Variants in PVR observed in about 807,000 individuals in gnomAD.
The protein encoded by PVR is poliovirus receptor.
PVR carries 39 observed loss-of-function variants against 43.3 expected under a neutral mutation model. The observed-to-expected ratio is 0.90, with a 90% confidence interval of 0.70 to 1.18. The LOEUF (loss-of-function observed/expected upper bound fraction) is 1.18, where lower values mean the gene tolerates loss of function less well. PVR is among the 50% of genes most tolerant of loss of function. PVR has a pLI of 0.00. For synonymous variants in PVR, 224 were observed against 233.2 expected (o/e 0.96, Z 0.36); for missense variants, 480 against 549.7 (o/e 0.87, Z 1.27).
intron 7 of PVR, 113 bp from the exon 8 acceptor site, chr19:44,661,627 A>G: frequency 1.0e-6 from 1 of 964,502 alleles, no homozygotes; most frequent in Non-Finnish European, 1.6e-6. Context: ...CCTGGCTTCC[A>G]GGGAGAGAGG....
chr19:44,647,083 T>TCCCCCCC, intron 1 of PVR, 140 bp from the exon 2 acceptor site: 3 of 30,332 alleles, frequency 9.9e-5, no homozygotes, highest in South Asian at 6.0e-4. Context: ...CAGTTCCCCC[T>TCCCCCCC]CCCCCCACAC....
intron 7 of PVR, 95 bp from the exon 8 acceptor site, chr19:44,661,645 G>A (rs1009425063): frequency 9.9e-6 from 11 of 1,107,980 alleles, no homozygotes; most frequent in Middle Eastern, 2.0e-4. Context: ...AGGAGGGGAC[G>A]GGCCTGCAGT....
chr19:44,656,031 G>A (rs1045468986), intron 4 of PVR, among the ~76,000 whole-genome samples: 15 of 151,758 alleles, frequency 9.9e-5, no homozygotes, highest in Admixed American at 9.2e-4. Flanking sequence ...CACCACGCCT[G>A]GCTAACCTGG....
At chr19:44,648,772 C>T (rs1973199814) in intron 2 of PVR, among the ~76,000 whole-genome samples, 2 of 152,170 alleles carry the variant, frequency 1.3e-5, no homozygotes, top group South Asian at 2.1e-4. Context: ...GCCTAGCACA[C>T]AACACCCAAC....
Position 44,647,476 on chromosome 19 carries a change from C to T in PVR, c.333C>T (p.Phe111=), listed in dbSNP as rs756082532. 25 of 1,613,918 alleles carry T rather than the reference C, an allele frequency of 1.5e-5. No homozygotes were observed. The East Asian group carries it at 4.5e-4, about 29-fold the overall frequency. The change falls in exon 2 of 8, where the codon TTC becomes TTT. Residue 111 remains phenylalanine, a synonymous_variant. Coordinates refer to ENST00000425690, the MANE Select transcript of PVR (RefSeq NM_006505.5). ...TGCGGAATGCCTCGCTGAGGATGTT[C>T]GGGTTGCGCGTAGAGGATGAAGGCA... ...AELRNASLRM[F]GLRVEDEGNY...
chr19:44,652,141 G>T (rs1424720785), intron 3 of PVR, among the ~76,000 whole-genome samples: 3 of 152,168 alleles, frequency 2.0e-5, no homozygotes, highest in Non-Finnish European at 2.9e-5. Context: ...GGGCAGCAGA[G>T]CAAAACTCCA....
rs1274553669 is a variant in PVR at position 44,647,527 on chromosome 19, C to T, written c.384C>T (p.Phe128=). 6.2e-7 allele frequency: 1 copy of T among 1,613,936 alleles called. No homozygotes were observed. The highest frequency in any genetic ancestry group is 2.2e-5 in the East Asian group (1 of 44,860). The change falls in exon 2 of 8, where the codon TTC becomes TTT. Residue 128 remains phenylalanine (F), a synonymous_variant. Transcript: ENST00000425690. ...EGNYTCLFVT[F]PQGSRSVDIW... ...ACTACACCTGCCTGTTCGTCACGTT[C>T]CCGCAGGGCAGCAGGAGCGTGGATA...
chr19:44,648,879 A>G (rs968643012), intron 2 of PVR, among the ~76,000 whole-genome samples: 3 of 152,176 alleles, frequency 2.0e-5, no homozygotes, highest in African/African-American at 7.2e-5. Context: ...TTAAGGAGAA[A>G]TCTTCGGTAA....
chr19:44,664,915 G>C lies in PVR; in HGVS notation c.*3104G>C, dbSNP rs1973673461. 2 of 152,056 alleles carry C rather than the reference G, an allele frequency of 1.3e-5. No homozygotes were observed. Among genetic ancestry groups the C allele is most frequent in the Admixed American group, 6.6e-5 (1 of 15,234 alleles). The allele number at this position is 152,056 out of a possible 1,614,324, so 9.4% of individuals were successfully genotyped here. On this transcript the variant is annotated 3_prime_UTR_variant, in exon 8 of 8. Transcript: ENST00000425690. ...AGGACACACTCCTGGAGGTGGAATT[G>C]CTGGGCCAAAGAGTATGTTTCTTGT...
chr19:44,651,314 C>T (rs1973274452), intron 3 of PVR, among the ~76,000 whole-genome samples: 1 of 152,128 alleles, frequency 6.6e-6, no homozygotes, highest in Non-Finnish European at 1.5e-5. Flanking sequence ...ACACTGGCTC[C>T]TATGACCACT....
intron 3 of PVR, among the ~76,000 whole-genome samples, chr19:44,652,590 G>T (rs1263286415): frequency 3.9e-5 from 6 of 151,910 alleles, no homozygotes; most frequent in African/African-American, 1.5e-4. Flanking sequence ...CACCATGTTG[G>T]CCAGGCTGGT....
chr19:44,646,367 A>G (rs1973113951), intron 1 of PVR, among the ~76,000 whole-genome samples: 1 of 151,958 alleles, frequency 6.6e-6, no homozygotes, highest in African/African-American at 2.4e-5. Flanking sequence ...AAGACCCAAG[A>G]TTTCTCCCCG....
chr19:44,650,974 A>G (rs1024893427), intron 3 of PVR, among the ~76,000 whole-genome samples: 2 of 151,692 alleles, frequency 1.3e-5, no homozygotes, highest in African/African-American at 4.8e-5. Flanking sequence ...GGCTCAAGCA[A>G]TCCTTCTCCC....
At chr19:44,657,371 G>A (rs960463477) in intron 4 of PVR, among the ~76,000 whole-genome samples, 7 of 152,166 alleles carry the variant, frequency 4.6e-5, no homozygotes, top group African/African-American at 1.7e-4. Context: ...GGCCCCCAGA[G>A]GGTACTGAGC....
At position 44,661,553 on chromosome 19, in the gene PVR, G is replaced by A. The variant is rs545795066; in HGVS notation, c.1183-187G>A. On this transcript the variant is annotated intron_variant, in intron 7 of 7. Coordinates refer to ENST00000425690, the MANE Select transcript of PVR (RefSeq NM_006505.5). Reference sequence around the variant, plus strand: ...CCAGGGAATCTGCATTTTAATATCCGCTCTCTCCCCCCTGCCCCACGCCCC... The same window carrying A: ...CCAGGGAATCTGCATTTTAATATCCACTCTCTCCCCCCTGCCCCACGCCCC... 1.7e-3 allele frequency among the ~76,000 whole-genome samples: 252 copies of A among 152,110 alleles called. 1 individual carries two copies. The highest frequency in any genetic ancestry group is 5.2e-3 in the Admixed American group (79 of 15,262).
Position 44,657,806 on chromosome 19 carries a change from A to G in PVR, c.887A>G (p.Gln296Arg), listed in dbSNP as rs144413282. Residue 296 changes from glutamine to arginine, a missense_variant, in exon 5 of 8, where the codon CAG becomes CGG. Physicochemically the swap from Gln to Arg is conservative, Grantham distance 43. Coordinates refer to ENST00000425690, the MANE Select transcript of PVR (RefSeq NM_006505.5). ...CCCTTTGCTGTGGCCCAGGGCGCCC[A>G]GCTCCTGATCCGTCCTGTGGACAAA... ...LPPFAVAQGA[Q>R]LLIRPVDKPI... 21 of 1,613,966 alleles carry G rather than the reference A, an allele frequency of 1.3e-5. No individual in the cohort carries two copies. The highest frequency in any genetic ancestry group is 1.7e-5 in the Non-Finnish European group (20 of 1,179,994).
At position 44,649,862 on chromosome 19, in the gene PVR, G is replaced by C. The variant is rs777714377; in HGVS notation, c.481G>C (p.Val161Leu). Residue 161 changes from valine to leucine, a missense_variant, in exon 3 of 8, where the codon GTG becomes CTG. Coordinates refer to ENST00000425690, the MANE Select transcript of PVR (RefSeq NM_006505.5). ...GAAGGTCCAGCTCACTGGAGAGCCA[G>C]TGCCCATGGCCCGCTGCGTCTCCAC... The part of the protein sequence containing the change: ...VQKVQLTGEP[V>L]PMARCVSTGG... 8 of 1,614,116 alleles carry C rather than the reference G, an allele frequency of 5.0e-6. No individual in the cohort carries two copies. In the East Asian group the frequency reaches 1.3e-4, roughly 27 times the overall value.
chr19:44,647,155 C>CTAGT (rs1973143928), intron 1 of PVR, 68 bp from the exon 2 acceptor site: 1 of 1,273,944 alleles, frequency 7.8e-7, no homozygotes, highest in African/African-American at 1.5e-5. Context: ...TGCCCGGGCT[C>CTAGT]CTGGAGCCCC....
In PVR at chr19:44,646,049, A is replaced by T. The variant is rs573930109; in HGVS notation, c.80-1174A>T. Among the ~76,000 whole-genome samples, 4 of 152,190 alleles carry T rather than the reference A, an allele frequency of 2.6e-5. No homozygotes were observed. In the East Asian group the frequency reaches 7.7e-4, roughly 29 times the overall value. ...TCTGTGTCAGTTTCCCTGTCTGTAA[A>T]ATGATGTTAACAGTAGTGCTTGCCT... On this transcript the variant is annotated intron_variant, in intron 1 of 7. Transcript: ENST00000425690.
Sources: allele counts gnomAD v4.1 joint callset (sites outside exome capture counted in the v4.1 genomes callset), GRCh38; gene constraint gnomAD v4.1.1; transcripts MANE v1.5; gene names NCBI Gene and HGNC (gene_info 2026-07-23, HGNC 2026-07-21).